DHRS11: variants seen among roughly 807,000 people sequenced by gnomAD.
DHRS11 encodes dehydrogenase/reductase SDR family member 11.
A neutral mutation model predicts 30.7 loss-of-function variants in DHRS11; 18 were observed. The ratio of observed to expected loss-of-function variants is 0.59; its 90% CI spans 0.41 to 0.87. DHRS11 has a LOEUF of 0.87. Ranked by LOEUF, DHRS11 falls within the 40% of genes least tolerant of loss-of-function variation. DHRS11 has a pLI of 0.00. For missense variants in DHRS11, 300 were observed against 349.0 expected (o/e 0.86, Z 1.12); for synonymous variants, 123 against 139.6 (o/e 0.88, Z 0.84).
At chr17:36,596,171 T>A (rs982281756) in intron 2 of DHRS11, 18 of 152,088 alleles carry the variant, frequency 1.2e-4, no homozygotes, top group African/African-American at 4.4e-4. Flanking sequence ...AATTTTTTTT[T>A]TTTTTGAGGC....
intron 4 of DHRS11, 58 bp from the exon 5 acceptor site, chr17:36,599,613 G>A (rs546264679): frequency 2.3e-5 from 37 of 1,580,310 alleles, no homozygotes; most frequent in African/African-American, 2.2e-4. Context: ...CTCTCCCCTC[G>A]ACCTCCCCAA....
chr17:36,598,842 C>T (rs1363785398), intron 3 of DHRS11, 79 bp from the exon 4 acceptor site: 2 of 1,534,928 alleles, frequency 1.3e-6, no homozygotes, highest in Non-Finnish European at 1.8e-6. Flanking sequence ...GGTGGTGGGG[C>T]TGACCGGGTA....
At position 36,592,986 on chromosome 17, in the gene DHRS11, G is replaced by A. The variant is rs573199174; in HGVS notation, c.147+830G>A. ...GGCAGAGGGAGAAGGTATACAGGAA[G>A]GAGGACTGTCCCCTCCCCTGCTGCT... On this transcript the variant is annotated intron_variant, in intron 1 of 6. Transcript: ENST00000618403. The surrounding 1 kb of genome is among the most constrained non-coding windows in gnomAD (Gnocchi z 4.4). 1.3e-5 allele frequency among the ~76,000 whole-genome samples: 2 copies of A among 152,168 alleles called. No homozygotes were observed. The highest frequency in any genetic ancestry group is 3.9e-4 in the East Asian group (2 of 5,168).
Position 36,598,183 on chromosome 17 carries a change from C to T in DHRS11, c.378C>T (p.Ser126=), listed in dbSNP as rs2074826575. Residue 126 remains serine, a synonymous_variant, in exon 3 of 7, where the codon AGC becomes AGT. Transcript: ENST00000618403. ...DMFNVNVLAL[S]ICTREAYQSM... ...TGCAGGTGAACGTGCTGGCCCTCAG[C>T]ATCTGCACACGGGAAGCCTACCAGT... The T allele has an allele frequency of 1.2e-6, 2 of 1,613,986 alleles. No homozygotes were observed. The highest frequency in any genetic ancestry group is 2.2e-5 in the East Asian group (1 of 44,890).
At position 36,592,878 on chromosome 17, in the gene DHRS11, G is replaced by A. The variant is rs771712102; in HGVS notation, c.147+722G>A. Among the ~76,000 whole-genome samples, 2 of 152,020 alleles carry A rather than the reference G, an allele frequency of 1.3e-5. No homozygotes were observed. Among genetic ancestry groups the A allele is most frequent in the African/African-American group, 4.8e-5 (2 of 41,376 alleles). ...GCCCTGTAAGCTCATTCTCAGTGTC[G>A]GGCTAGTGCTTAGCTGCAGGGCTTT... On this transcript the variant is annotated intron_variant, in intron 1 of 6. Transcript: ENST00000618403. This position sits in a 1 kb window ranked among gnomAD's most constrained non-coding sequence, Gnocchi z 4.4.
chr17:36,596,730 G>T (rs2074813968), intron 2 of DHRS11: 10 of 469,354 alleles, frequency 2.1e-5, no homozygotes, highest in Non-Finnish European at 4.4e-6. Flanking sequence ...ATGGTATGAT[G>T]GGGTGATAGT....
At chr17:36,598,302 G>A in intron 3 of DHRS11, 45 bp downstream of exon 3, 1 of 1,586,062 alleles carries the variant, frequency 6.3e-7, no homozygotes, top group East Asian at 2.2e-5. Flanking sequence ...ACCAGGCTGG[G>A]TAATGTGCTG....
At chr17:36,597,858 G>A (rs1258663562) in intron 2 of DHRS11, 3 of 511,154 alleles carry the variant, frequency 5.9e-6, no homozygotes, top group Non-Finnish European at 1.1e-5. Context: ...TCATAGAGGA[G>A]ATGGCCAAGA....
intron 3 of DHRS11, chr17:36,598,681 C>T (rs1218933235): frequency 9.1e-6 from 5 of 552,166 alleles, no homozygotes; most frequent in Non-Finnish European, 1.6e-5. Flanking sequence ...ACATTCTGCA[C>T]CACCAGGAGA....
chr17:36,598,740 T>C lies in DHRS11; in HGVS notation c.453-181T>C. 4.1e-6 allele frequency: 3 copies of C among 724,396 alleles called. No homozygotes were observed. In the South Asian group the frequency reaches 6.2e-5, roughly 15 times the overall value. The allele number at this position is 724,396 out of a possible 1,614,324, so 44.9% of individuals were successfully genotyped here. A position where few individuals can be genotyped will look rare whatever the true frequency, so the allele number is the denominator to read the frequency against. On this transcript the variant is annotated intron_variant, in intron 3 of 6. Coordinates refer to ENST00000618403, the MANE Select transcript of DHRS11 (RefSeq NM_024308.4). Reference sequence around the variant, plus strand: ...GATGAGTTCCAGGAAAAGGAGGGTTTTCCAAAGCTGTTTGAATAACCAAAA... The same window carrying C: ...GATGAGTTCCAGGAAAAGGAGGGTTCTCCAAAGCTGTTTGAATAACCAAAA...
chr17:36,593,300 G>A (rs1301132675), intron 1 of DHRS11, among the ~76,000 whole-genome samples: 2 of 152,232 alleles, frequency 1.3e-5, no homozygotes, highest in African/African-American at 2.4e-5. Flanking sequence ...TCTGAGAGGA[G>A]AATGCCCCTG....
intron 4 of DHRS11, 92 bp from the exon 5 acceptor site, chr17:36,599,579 A>C: frequency 7.6e-7 from 1 of 1,317,156 alleles, no homozygotes; most frequent in Non-Finnish European, 1.1e-6. Context: ...ATCACTGTGA[A>C]GCTGGGGTTC....
In DHRS11 at chr17:36,600,195, G is replaced by A. The variant is rs768573708; in HGVS notation, c.775G>A (p.Val259Met). 1.5e-5 allele frequency: 24 copies of A among 1,614,018 alleles called. No homozygotes were observed. The African/African-American group carries it at 2.3e-4, about 15-fold the overall frequency. ...GDIQMRPTEQ[V>M]T ...CATCCAGATGAGGCCCACGGAGCAG[G>A]TGACCTAGTGACTGTGGGAGCTCCT... Residue 259 changes from valine (V) to methionine (M), a missense_variant, in exon 7 of 7, where the codon GTG becomes ATG. By Grantham distance (21) the Val-to-Met change is conservative. Transcript: ENST00000618403.
intron 4 of DHRS11, 75 bp downstream of exon 4, chr17:36,599,125 C>A: frequency 6.5e-7 from 1 of 1,540,292 alleles, no homozygotes. Context: ...GTTCAGGAAG[C>A]CCATGTTCAG....
In DHRS11 at chr17:36,599,023, G is replaced by A; in HGVS notation, c.555G>A (p.Arg185=). The change falls in exon 4 of 7, where the codon CGG becomes CGA. Residue 185 remains arginine (R), a synonymous_variant. Transcript: ENST00000618403. ...ALTEGLRQEL[R]EAQTHIRATC... ...CAGAGGGACTGAGGCAAGAGCTTCG[G>A]GAGGCCCAGACCCACATCCGAGCCA... 1 of 1,612,756 alleles carries A rather than the reference G, an allele frequency of 6.2e-7. No homozygotes were observed. Among genetic ancestry groups the A allele is most frequent in the Non-Finnish European group, 8.5e-7 (1 of 1,180,004 alleles).
Position 36,595,189 on chromosome 17 carries a change from T to C in DHRS11, c.357+9T>C, listed in dbSNP as rs745752302. On this transcript the variant is annotated intron_variant, in intron 2 of 6. Transcript: ENST00000618403. ...GGAAGGACATGTTCAATGTAAGAGC[T>C]CCAAGCCTCCATCTTCCAGGTGGAG... 4.3e-6 allele frequency: 7 copies of C among 1,612,614 alleles called. No individual in the cohort carries two copies. Among genetic ancestry groups the C allele is most frequent in the South Asian group, 1.1e-5 (1 of 91,016 alleles).
Position 36,599,661 on chromosome 17 carries a change from G to C in DHRS11, c.583-10G>C. 6.2e-7 allele frequency: 1 copy of C among 1,614,176 alleles called. No individual in the cohort carries two copies. The highest frequency in any genetic ancestry group is 1.1e-5 in the South Asian group (1 of 91,084). On this transcript the variant is annotated splice_polypyrimidine_tract_variant and intron_variant, in intron 4 of 6. Transcript: ENST00000618403. ...CTCAGCCCCTGAGAAGGCCCTCTCT[G>C]TTGGCCCAGTGCATCTCTCCAGGTG...
chr17:36,594,239 T>G (rs930066208), intron 1 of DHRS11, among the ~76,000 whole-genome samples: 1 of 152,076 alleles, frequency 6.6e-6, no homozygotes. Flanking sequence ...AGGGACTGGC[T>G]GACACAATGC....
intron 4 of DHRS11, 27 bp downstream of exon 4, chr17:36,599,077 G>A (rs1179369810): frequency 1.9e-6 from 3 of 1,605,110 alleles, no homozygotes; most frequent in Non-Finnish European, 1.7e-6. Context: ...GCCCTGGTGG[G>A]CACAGGGTGG....
Sources: gnomAD v4.1 joint callset for allele counts (sites outside exome capture counted in the v4.1 genomes callset) on GRCh38, gnomAD v4.1.1 for gene constraint, Gnocchi (gnomAD v3.1) non-coding constraint, MANE v1.5 for transcripts, NCBI Gene and HGNC (gene_info 2026-07-23, HGNC 2026-07-21) for gene names.